The following NLGN1 variants were observed in gnomAD, a reference collection of about 807,000 sequenced individuals.
NLGN1 encodes neuroligin 1.
In NLGN1, 12 loss-of-function variants were observed where a neutral mutation model predicts 65.5. The ratio of observed to expected loss-of-function variants is 0.18; its 90% CI spans 0.12 to 0.30. The LOEUF (loss-of-function observed/expected upper bound fraction) is 0.30. NLGN1 is among the 10% of genes least tolerant of loss of function. The pLI is 1.00. For synonymous variants in NLGN1, 350 were observed against 359.5 expected, an observed-to-expected ratio of 0.97 and a Z score of 0.30; for missense variants, 750 against 1,007.1, an observed-to-expected ratio of 0.74 and a Z score of 3.46.
At chr3:173,849,976 T>A (rs895431848) in intron 4 of NLGN1, among the ~76,000 whole-genome samples, 1 of 152,156 alleles carries the variant, frequency 6.6e-6, no homozygotes, top group Non-Finnish European at 1.5e-5. Context: ...TGTATTGTAT[T>A]TTCTTTAATT....
At chr3:173,595,222 CG>C (rs1192567281) in intron 2 of NLGN1, among the ~76,000 whole-genome samples, 6 of 152,142 alleles carry the variant, frequency 3.9e-5, no homozygotes, top group Non-Finnish European at 8.8e-5. Flanking sequence ...CCTTGAAAAA[CG>C]GAATGCCTTT....
chr3:174,041,881 C>CT (rs1311181272), intron 4 of NLGN1, among the ~76,000 whole-genome samples: 21 of 152,240 alleles, frequency 1.4e-4, no homozygotes, highest in African/African-American at 4.8e-4. Context: ...TGGTGAAACT[C>CT]TGTCTCTGCT....
chr3:174,064,803 A>C (rs892456136), intron 4 of NLGN1, among the ~76,000 whole-genome samples: 19 of 150,740 alleles, frequency 1.3e-4, no homozygotes, highest in Non-Finnish European at 2.7e-4. Flanking sequence ...ACAAATATTC[A>C]GAGTAAAAAA....
At chr3:173,961,516 T>C (rs933784924) in intron 4 of NLGN1, among the ~76,000 whole-genome samples, 3 of 141,010 alleles carry the variant, frequency 2.1e-5, no homozygotes, top group African/African-American at 8.1e-5. Context: ...AGTCATATAT[T>C]CATTGGAATA....
intron 3 of NLGN1, among the ~76,000 whole-genome samples, chr3:173,782,917 A>C (rs1781395517): frequency 6.6e-6 from 1 of 151,928 alleles, no homozygotes; most frequent in Admixed American, 6.6e-5. Context: ...ATGTACTAAT[A>C]CAAAGAGATC....
chr3:173,761,751 C>T (rs541275189), intron 3 of NLGN1, among the ~76,000 whole-genome samples: 3 of 152,098 alleles, frequency 2.0e-5, no homozygotes, highest in East Asian at 1.9e-4. Context: ...CCATTATATG[C>T]GTTGGATGCT....
At chr3:174,053,985 A>C (rs1315856664) in intron 4 of NLGN1, among the ~76,000 whole-genome samples, 1 of 152,014 alleles carries the variant, frequency 6.6e-6, no homozygotes, top group Non-Finnish European at 1.5e-5. Flanking sequence ...CTATTATCAA[A>C]TACAAATCTG....
intron 4 of NLGN1, among the ~76,000 whole-genome samples, chr3:173,992,432 C>T (rs1721319753): frequency 6.6e-6 from 1 of 152,072 alleles, no homozygotes. Context: ...TTTACTCCAC[C>T]CCTTTCCCAT....
intron 1 of NLGN1, among the ~76,000 whole-genome samples, chr3:173,434,690 G>A (rs1717780619): frequency 6.6e-6 from 1 of 152,128 alleles, no homozygotes; most frequent in African/African-American, 2.4e-5. Flanking sequence ...TTAGTAAAAT[G>A]ACACCCTATA....
chr3:173,951,293 A>T (rs1748156094), intron 4 of NLGN1, among the ~76,000 whole-genome samples: 1 of 152,090 alleles, frequency 6.6e-6, no homozygotes, highest in African/African-American at 2.4e-5. Context: ...AATTTGTCTA[A>T]TCCATGCATA....
intron 2 of NLGN1, among the ~76,000 whole-genome samples, chr3:173,564,957 G>A (rs1359926746): frequency 6.6e-6 from 1 of 152,164 alleles, no homozygotes; most frequent in African/African-American, 2.4e-5. Context: ...ATAGTGATAA[G>A]CAAAACTCCT....
chr3:173,867,677 A>T (rs1446208122), intron 4 of NLGN1, among the ~76,000 whole-genome samples: 7 of 152,098 alleles, frequency 4.6e-5, no homozygotes, highest in Admixed American at 4.6e-4. Flanking sequence ...ATGATTTATC[A>T]TTATTATATG....
intron 4 of NLGN1, among the ~76,000 whole-genome samples, chr3:173,874,104 C>T (rs1417088932): frequency 1.3e-5 from 2 of 152,166 alleles, no homozygotes; most frequent in Non-Finnish European, 2.9e-5. Flanking sequence ...GCCTCCAGAA[C>T]TGTGAGAAAA....
chr3:173,500,891 T>C (rs559240925), intron 2 of NLGN1, among the ~76,000 whole-genome samples: 1 of 151,980 alleles, frequency 6.6e-6, no homozygotes, highest in Admixed American at 6.6e-5. Flanking sequence ...CTGCTTTTAT[T>C]CTTTGCTAAT....
At chr3:173,941,977 G>C (rs945557363) in intron 4 of NLGN1, among the ~76,000 whole-genome samples, 1 of 151,722 alleles carries the variant, frequency 6.6e-6, no homozygotes, top group Non-Finnish European at 1.5e-5. Flanking sequence ...GGCACTGGCT[G>C]TTTACTCCTA....
chr3:173,616,542 G>A (rs1048230806), intron 3 of NLGN1, among the ~76,000 whole-genome samples: 1 of 152,122 alleles, frequency 6.6e-6, no homozygotes, highest in Non-Finnish European at 1.5e-5. Context: ...CTTCAAATAA[G>A]TGAGGTATTA....
chr3:174,244,418 C>G (rs990226688), intron 4 of NLGN1, among the ~76,000 whole-genome samples: 4 of 152,108 alleles, frequency 2.6e-5, no homozygotes, highest in African/African-American at 9.7e-5. Flanking sequence ...CTCTTTACTA[C>G]AAACACTGCA....
chr3:174,107,749 C>A (rs1458491468), intron 4 of NLGN1, among the ~76,000 whole-genome samples: 1 of 152,056 alleles, frequency 6.6e-6, no homozygotes, highest in Non-Finnish European at 1.5e-5. Context: ...TTTTACATTT[C>A]CACCAGCAAT....
intron 4 of NLGN1, among the ~76,000 whole-genome samples, chr3:174,234,398 G>A (rs1219796929): frequency 6.6e-6 from 1 of 152,118 alleles, no homozygotes. Flanking sequence ...GCTAGCAATT[G>A]GGAGGGAAGC....
Sources: allele counts gnomAD v4.1 joint callset (sites outside exome capture counted in the v4.1 genomes callset), GRCh38; gene constraint gnomAD v4.1.1; transcripts MANE v1.5; gene names NCBI Gene and HGNC (gene_info 2026-07-23, HGNC 2026-07-21).